TTN: variants seen among roughly 807,000 people sequenced by gnomAD.
The protein encoded by TTN is connectin.
TTN carries 1,525 observed loss-of-function variants against 3,223.0 expected under a neutral mutation model. That is an observed-to-expected ratio of 0.47 (90% CI 0.45 to 0.49). The LOEUF (loss-of-function observed/expected upper bound fraction) is 0.49, where lower values mean the gene tolerates loss of function less well. TTN is among the 20% of genes least tolerant of loss of function. TTN has a pLI of 0.00. For synonymous variants in TTN, 14,094 were observed against 15,161.0 expected, an observed-to-expected ratio of 0.93 and a Z score of 5.17; for missense variants, 40,786 against 43,424.0, an observed-to-expected ratio of 0.94 and a Z score of 5.40.
chr2:178,679,882 G>A lies in TTN; in HGVS notation c.33580+12C>T. The A allele has an allele frequency of 1.2e-6, 2 of 1,612,254 alleles. No homozygotes were observed. The highest frequency in any genetic ancestry group is 8.5e-7 in the Non-Finnish European group (1 of 1,179,234). On this transcript the variant is annotated intron_variant, in intron 140 of 362. Transcript: ENST00000589042. ...TGCTGTTGCACAGCCCTTTGCAGGA[G>A]GCATCATCTACCTTTGACTGGTATC...
rs1280587469 is a variant in TTN at position 178,652,387 on chromosome 2, A to G, written c.39128-40T>C. ...GTGAAATTACATTTAGGCATTATGAAGACCACTAGAAAAATACTTTCCAGA... is the reference window on the plus strand; with the variant it reads ...GTGAAATTACATTTAGGCATTATGAGGACCACTAGAAAAATACTTTCCAGA... On this transcript the variant is annotated intron_variant, in intron 202 of 362. Transcript: ENST00000589042. 5 of 1,613,252 alleles carry G rather than the reference A, an allele frequency of 3.1e-6. No individual in the cohort carries two copies. The Admixed American group carries it at 6.7e-5, about 22-fold the overall frequency.
In TTN at chr2:178,567,837, T is replaced by G. The variant is rs374376033; in HGVS notation, c.78295A>C (p.Met26099Leu). The change falls in exon 326 of 363, where the codon ATG becomes CTG. Residue 26099 changes from methionine to leucine, a missense_variant. By Grantham distance (15) the Met-to-Leu change is conservative (BLOSUM62 2). Transcript: ENST00000589042. ...AAAGTGATTTCATTTCTTTTAACCATTATTGGTTCTGGGGTTCCTGGTGGG... is the reference window on the plus strand; with the variant it reads ...AAAGTGATTTCATTTCTTTTAACCAGTATTGGTTCTGGGGTTCCTGGTGGG... ...CDPPGTPEPI[M>L]VKRNEITLQW... 1 of 1,613,422 alleles carries G rather than the reference T, an allele frequency of 6.2e-7. No individual in the cohort carries two copies. The highest frequency in any genetic ancestry group is 8.5e-7 in the Non-Finnish European group (1 of 1,179,616).
chr2:178,704,056 G>T, intron 106 of TTN, 91 bp downstream of exon 106: 2 of 1,486,084 alleles, frequency 1.3e-6, no homozygotes, highest in Non-Finnish European at 9.0e-7. Context: ...CCACTTTGGT[G>T]TGTGTCTACA....
rs1268803689 is a variant in TTN, at chr2:178,724,494, C to T, written c.20881G>A (p.Val6961Ile). Residue 6961 changes from valine (V) to isoleucine (I), a missense_variant, in exon 72 of 363, where the codon GTA becomes ATA. Coordinates refer to ENST00000589042, the MANE Select transcript of TTN (RefSeq NM_001267550.2). ...CACTCCAGAGTGCACGTTTCTCCTA[C>T]AGTCACCGTCATCGGTCCTGCCTTC... ...VEKAGPMTVT[V>I]GETCTLECKV... 1.2e-6 allele frequency: 2 copies of T among 1,608,472 alleles called. No homozygotes were observed. Among genetic ancestry groups the T allele is most frequent in the Admixed American group, 1.7e-5 (1 of 59,820 alleles).
At chr2:178,742,337 T>C (rs2082645005) in intron 47 of TTN, among the ~76,000 whole-genome samples, 1 of 152,172 alleles carries the variant, frequency 6.6e-6, no homozygotes, top group South Asian at 2.1e-4. Flanking sequence ...AAGAATAATC[T>C]TCTTTGTTAA....
At chr2:178,667,609 C>A (rs776390459) in intron 160 of TTN, 29 bp downstream of exon 160, 6 of 1,582,506 alleles carry the variant, frequency 3.8e-6, no homozygotes, top group Non-Finnish European at 5.1e-6. Flanking sequence ...AATAATTTTT[C>A]TTCAGAGTGG....
Position 178,531,048 on chromosome 2 carries a change from A to G in TTN, c.105567T>C (p.Ser35189=), listed in dbSNP as rs756888194. 1 of 1,613,948 alleles carries G rather than the reference A, an allele frequency of 6.2e-7. No homozygotes were observed. Among genetic ancestry groups the G allele is most frequent in the Non-Finnish European group, 8.5e-7 (1 of 1,179,894 alleles). ...TGCCCTCATCGGAAGCCTGGACTGAAGAGATCTCAAAGGTTGATTTGTACT... is the reference window on the plus strand; with the variant it reads ...TGCCCTCATCGGAAGCCTGGACTGAGGAGATCTCAAAGGTTGATTTGTACT... ...TTKYKSTFEI[S]SVQASDEGNY... is the part of the protein sequence containing the mutation. The change falls in exon 358 of 363, where the codon TCT becomes TCC. Residue 35189 remains serine, a synonymous_variant. Transcript: ENST00000589042.
At chr2:178,583,575 A>C (rs1404049129) in intron 312 of TTN, 32 bp downstream of exon 312, 2 of 1,517,466 alleles carry the variant, frequency 1.3e-6, no homozygotes, top group African/African-American at 2.8e-5. Context: ...ATGCTGTTAC[A>C]TCTTTGCCTA....
rs1345800010 is a variant in TTN, at chr2:178,733,811, C to T, written c.15578G>A (p.Gly5193Glu). 1.5e-5 allele frequency: 25 copies of T among 1,613,564 alleles called. No individual in the cohort carries two copies. Among genetic ancestry groups the T allele is most frequent in the Non-Finnish European group, 2.0e-5 (24 of 1,179,708 alleles). Residue 5193 changes from glycine to glutamate, a missense_variant, in exon 53 of 363, where the codon GGG (glycine) becomes GAG (glutamate). Transcript: ENST00000589042. Reference sequence around the variant, plus strand: ...CCATGTGACAGAAATGGGCTCTGACCCTCTCACAGCAGCTTGCAGGGTAAC... The same window carrying T: ...CCATGTGACAGAAATGGGCTCTGACTCTCTCACAGCAGCTTGCAGGGTAAC... ...QTVTLQAAVR[G>E]SEPISVTWMK...
rs748466729 is a variant in TTN, at chr2:178,538,685, G to A, written c.99144C>T (p.Ser33048=). The part of the protein sequence containing the change: ...RQSGDSAWKK[S]NKERIKDKQF... Reference sequence around the variant, plus strand: ...GCTTGTCCTTAATACGTTCCTTATTGCTCTTCTTCCAGGCACTGTCTCCAG... The same window carrying A: ...GCTTGTCCTTAATACGTTCCTTATTACTCTTCTTCCAGGCACTGTCTCCAG... The change falls in exon 354 of 363, where the codon AGC becomes AGT. Residue 33048 remains serine (S), a synonymous_variant. Transcript: ENST00000589042. The A allele has an allele frequency of 6.2e-7, 1 of 1,613,624 alleles. No individual in the cohort carries two copies. Among genetic ancestry groups the A allele is most frequent in the Admixed American group, 1.7e-5 (1 of 59,998 alleles).
chr2:178,701,038 C>A, intron 111 of TTN, 82 bp downstream of exon 111: 2 of 1,297,264 alleles, frequency 1.5e-6, no homozygotes, highest in Non-Finnish European at 1.1e-6. Context: ...ACTAGAGGGC[C>A]AATGCGTTGT....
In TTN at chr2:178,599,799, T is replaced by A; in HGVS notation, c.56102A>T (p.Asn18701Ile). 1 of 1,608,820 alleles carries A rather than the reference T, an allele frequency of 6.2e-7. No individual in the cohort carries two copies. Residue 18701 changes from asparagine (N) to isoleucine (I), a missense_variant, in exon 289 of 363, where the codon AAT (asparagine) becomes ATT (isoleucine). Asn to Ile is a moderately radical substitution (Grantham distance 149, BLOSUM62 -3). Coordinates refer to ENST00000589042, the MANE Select transcript of TTN (RefSeq NM_001267550.2). ...KEFMEVEEGT[N>I]VNIVAKIKGV... is the part of the protein sequence containing the mutation. The stretch of plus-strand genomic sequence containing the variant: ...TTTAATTTTGGCCACAATGTTAACA[T>A]TGGTTCCTTCTTCAACCTCCATGAA...
At chr2:178,726,215 A>T in intron 69 of TTN, 169 bp from the exon 70 acceptor site, 2 of 713,652 alleles carry the variant, frequency 2.8e-6, no homozygotes, top group South Asian at 6.7e-5. Context: ...TTGCCTTCAC[A>T]AGATAACCAG....
chr2:178,562,767 G>C lies in TTN; in HGVS notation c.83365C>G (p.Pro27789Ala), dbSNP rs1704156538. The C allele has an allele frequency of 6.2e-7, 1 of 1,613,062 alleles. No homozygotes were observed. Among genetic ancestry groups the C allele is most frequent in the African/African-American group, 1.3e-5 (1 of 74,862 alleles). ...KKDSVTLSWE[P>A]PLIDGGAKIT... ...TTAGCTCCACCATCAATAAGTGGTGGTTCCCAGGACAACGTCACTGAGTCT... is the reference window on the plus strand; with the variant it reads ...TTAGCTCCACCATCAATAAGTGGTGCTTCCCAGGACAACGTCACTGAGTCT... The change falls in exon 326 of 363, where the codon CCA (proline) becomes GCA (alanine). Residue 27789 changes from proline (P) to alanine (A), a missense_variant. Pro to Ala is a conservative substitution (Grantham distance 27). Transcript: ENST00000589042.
In TTN at chr2:178,594,091, A is replaced by G; in HGVS notation, c.58302T>C (p.His19434=). 1 of 1,613,396 alleles carries G rather than the reference A, an allele frequency of 6.2e-7. No homozygotes were observed. The highest frequency in any genetic ancestry group is 1.3e-5 in the African/African-American group (1 of 74,978). ...EADVLEDDRT[H]IKTTPATLAL... is the part of the protein sequence containing the mutation. The stretch of plus-strand genomic sequence containing the variant: ...CAAGTGTTGCTGGTGTAGTCTTTAT[A>G]TGAGTGCGATCATCTTCCAGCACAT... Residue 19434 remains histidine, a synonymous_variant, in exon 297 of 363, where the codon CAT becomes CAC. Coordinates refer to ENST00000589042, the MANE Select transcript of TTN (RefSeq NM_001267550.2).
chr2:178,602,378 G>A lies in TTN; in HGVS notation c.55024C>T (p.Leu18342Phe). Residue 18342 changes from leucine to phenylalanine, a missense_variant, in exon 283 of 363, where the codon CTC becomes TTC. Coordinates refer to ENST00000589042, the MANE Select transcript of TTN (RefSeq NM_001267550.2). Reference sequence around the variant, plus strand: ...TTCACTCTGAATCTGTACTTCCTGAGCTCTTTCAGATTAGGCACCACACAT... The same window carrying A: ...TTCACTCTGAATCTGTACTTCCTGAACTCTTTCAGATTAGGCACCACACAT... ...CECVVPNLKELRKYRFRVKAV... is the reference protein window; with the variant it reads ...CECVVPNLKEFRKYRFRVKAV... 1.2e-6 allele frequency: 2 copies of A among 1,612,776 alleles called. No individual in the cohort carries two copies. Among genetic ancestry groups the A allele is most frequent in the Admixed American group, 1.7e-5 (1 of 59,906 alleles).
At position 178,568,085 on chromosome 2, in the gene TTN, T is replaced by G; in HGVS notation, c.78047A>C (p.Asn26016Thr). 3 of 1,613,462 alleles carry G rather than the reference T, an allele frequency of 1.9e-6. No homozygotes were observed. The highest frequency in any genetic ancestry group is 2.5e-6 in the Non-Finnish European group (3 of 1,179,594). Reference sequence around the variant, plus strand: ...ACCTATGACGGGGCTTCCACCATTGTTGACTGGTTCATGCCACTGTATGAC... The same window carrying G: ...ACCTATGACGGGGCTTCCACCATTGGTGACTGGTTCATGCCACTGTATGAC... ...SMVIQWHEPV[N>T]NGGSPVIGYH... Residue 26016 changes from asparagine (N) to threonine (T), a missense_variant, in exon 326 of 363, where the codon AAC becomes ACC. Asn to Thr is a moderately conservative substitution (Grantham distance 65). Transcript: ENST00000589042.
intron 204 of TTN, 63 bp downstream of exon 204, chr2:178,652,033 G>A: frequency 6.2e-7 from 1 of 1,611,636 alleles, no homozygotes; most frequent in South Asian, 1.1e-5. Flanking sequence ...GCAAAAAAAT[G>A]TTTTTACAAC....
At position 178,567,277 on chromosome 2, in the gene TTN, A is replaced by G. The variant is rs139953862; in HGVS notation, c.78855T>C (p.Asp26285=). The change falls in exon 326 of 363, where the codon GAT becomes GAC. Residue 26285 remains aspartate (D), a synonymous_variant. Transcript: ENST00000589042. ...KSFPVNVKVL[D]RPGPPEGPVQ... ...CTGGCCCTTCTGGAGGTCCTGGTCT[A>G]TCTAATACTTTTACATTTACTGGGA... 903 of 1,607,032 alleles carry G rather than the reference A, an allele frequency of 5.6e-4. 1 individual carries two copies. The highest frequency in any genetic ancestry group is 6.7e-4 in the Non-Finnish European group (789 of 1,177,292).
Sources: gnomAD v4.1 joint callset for allele counts (sites outside exome capture counted in the v4.1 genomes callset) on GRCh38, gnomAD v4.1.1 for gene constraint, MANE v1.5 for transcripts, NCBI Gene and HGNC (gene_info 2026-07-23, HGNC 2026-07-21) for gene names.